Variants in PCCB observed in about 807,000 individuals in gnomAD.
The protein encoded by PCCB is propionyl-CoA carboxylase beta chain, mitochondrial.
A neutral mutation model predicts 60.7 loss-of-function variants in PCCB; 43 were observed. That is an observed-to-expected ratio of 0.71 (90% CI 0.55 to 0.91). PCCB has a LOEUF of 0.91. PCCB is among the 40% of genes least tolerant of loss of function. The probability of loss-of-function intolerance (pLI) is 0.00; values close to 1 mark genes in which losing one functional copy is unlikely to be tolerated. For synonymous variants in PCCB, 276 were observed against 255.9 expected (o/e 1.08, Z -0.75); for missense variants, 766 against 702.8 (o/e 1.09, Z -1.02).
chr3:136,325,178 C>T (rs951367086), intron 10 of PCCB, among the ~76,000 whole-genome samples: 1 of 152,090 alleles, frequency 6.6e-6, no homozygotes, highest in Non-Finnish European at 1.5e-5. Context: ...GTGTGAGCCA[C>T]CACATCTGGC....
chr3:136,266,425 A>G (rs1576411156), intron 5 of PCCB, among the ~76,000 whole-genome samples: 1 of 152,004 alleles, frequency 6.6e-6, no homozygotes, highest in South Asian at 2.1e-4. Context: ...CACCGCACCC[A>G]GCCAGTCTTT....
chr3:136,255,792 G>C, intron 1 of PCCB, 64 bp from the exon 2 acceptor site: 2 of 1,450,324 alleles, frequency 1.4e-6, no homozygotes, highest in Admixed American at 3.3e-5. Context: ...CCCATGAACA[G>C]CCCTTGCTTT....
chr3:136,298,054 G>A lies in PCCB; in HGVS notation c.866G>A (p.Arg289His), dbSNP rs532142254. 2.0e-5 allele frequency: 32 copies of A among 1,614,120 alleles called. No individual in the cohort carries two copies. In the Admixed American group the frequency reaches 2.0e-4, roughly 10 times the overall value. Residue 289 changes from arginine (R) to histidine (H), a missense_variant, in exon 8 of 15, where the codon CGT (arginine) becomes CAT (histidine). Physicochemically the swap from Arg to His is conservative, Grantham distance 29 (BLOSUM62 0). Coordinates refer to ENST00000251654, the MANE Select transcript of PCCB (RefSeq NM_000532.5). ...PLSSQDPAPV[R>H]ECHDPSDRLV... ...AGCAGTCAGGACCCGGCTCCCGTCC[G>A]TGAGTGCCACGATCCCAGGTGGGTT... is the stretch of plus-strand genomic sequence containing the variant.
intron 7 of PCCB, among the ~76,000 whole-genome samples, chr3:136,294,857 A>G (rs182612760): frequency 7.6e-4 from 115 of 152,054 alleles, no homozygotes; most frequent in African/African-American, 2.5e-3. Flanking sequence ...GGCTTGAGCA[A>G]TCCTCCCACT....
rs1334504053 is a variant in PCCB, at chr3:136,262,029, A to C, written c.507A>C (p.Gly169=). The part of the protein sequence containing the change: ...NDSGGARIQE[G]VESLAGYADI... ...CTGGGGGAGCACGGATCCAAGAAGGAGTGGAGTCTTTGGCTGGCTATGCAG... is the reference window on the plus strand; with the variant it reads ...CTGGGGGAGCACGGATCCAAGAAGGCGTGGAGTCTTTGGCTGGCTATGCAG... The change falls in exon 5 of 15, where the codon GGA becomes GGC. Residue 169 remains glycine (G), a synonymous_variant. Coordinates refer to ENST00000251654, the MANE Select transcript of PCCB (RefSeq NM_000532.5). 19 of 1,558,464 alleles carry C rather than the reference A, an allele frequency of 1.2e-5. No homozygotes were observed. The highest frequency in any genetic ancestry group is 1.7e-5 in the Non-Finnish European group (19 of 1,149,968).
At chr3:136,291,659 GT>G (rs1476702794) in intron 6 of PCCB, among the ~76,000 whole-genome samples, 1 of 152,206 alleles carries the variant, frequency 6.6e-6, no homozygotes, top group Non-Finnish European at 1.5e-5. Context: ...GCTGGCTTGA[GT>G]TTGGTATTTT....
At chr3:136,297,290 T>C (rs1933980782) in intron 7 of PCCB, among the ~76,000 whole-genome samples, 1 of 152,146 alleles carries the variant, frequency 6.6e-6, no homozygotes, top group Non-Finnish European at 1.5e-5. Flanking sequence ...GTCTGTCAGC[T>C]TTGTGGACAA....
At chr3:136,259,076 C>T in intron 3 of PCCB, 1 of 1,155,640 alleles carries the variant, frequency 8.7e-7, no homozygotes, top group Non-Finnish European at 1.1e-6. Context: ...GAGGTTATGC[C>T]CACAATAAGC....
At chr3:136,312,379 A>T (rs1165060091) in intron 9 of PCCB, among the ~76,000 whole-genome samples, 1 of 152,338 alleles carries the variant, frequency 6.6e-6, no homozygotes, top group South Asian at 2.1e-4. Context: ...TCTAAACATA[A>T]AAAGGGTACA....
intron 10 of PCCB, chr3:136,326,423 A>C (rs1275554102): frequency 2.8e-6 from 2 of 702,562 alleles, no homozygotes; most frequent in African/African-American, 1.7e-5. Flanking sequence ...GTAATTTCTC[A>C]AGGGCACGTT....
In PCCB at chr3:136,328,739, T is replaced by C. The variant is rs368309360; in HGVS notation, c.1399-19T>C. On this transcript the variant is annotated intron_variant, in intron 13 of 14. Coordinates refer to ENST00000251654, the MANE Select transcript of PCCB (RefSeq NM_000532.5). The stretch of plus-strand genomic sequence containing the variant: ...AGGTTGGGACGACCAAAGATGTTCA[T>C]GAACTCCTCTAATCACAGGGCGCTG... The C allele has an allele frequency of 8.0e-5, 128 of 1,600,894 alleles. No individual in the cohort carries two copies. Among genetic ancestry groups the C allele is most frequent in the Non-Finnish European group, 1.0e-4 (119 of 1,168,132 alleles).
At chr3:136,327,120 C>G (rs757066745) in intron 11 of PCCB, 35 bp from the exon 12 acceptor site, 1 of 1,584,120 alleles carries the variant, frequency 6.3e-7, no homozygotes, top group Non-Finnish European at 8.7e-7. Flanking sequence ...CATGTGAGGA[C>G]TTGTGGGTAT....
chr3:136,299,810 G>GTATGCA (rs1934154740), intron 8 of PCCB, among the ~76,000 whole-genome samples: 1 of 148,360 alleles, frequency 6.7e-6, no homozygotes, highest in South Asian at 2.1e-4. Flanking sequence ...GTATGTATAG[G>GTATGCA]TATGCATGTG....
At chr3:136,328,737 C>T in intron 13 of PCCB, 21 bp from the exon 14 acceptor site, 1 of 1,594,580 alleles carries the variant, frequency 6.3e-7, no homozygotes. Context: ...CAAAGATGTT[C>T]ATGAACTCCT....
intron 14 of PCCB, among the ~76,000 whole-genome samples, chr3:136,329,423 G>A (rs748489160): frequency 1.1e-4 from 16 of 152,278 alleles, no homozygotes; most frequent in Non-Finnish European, 1.3e-4. Context: ...GGGAAACTGA[G>A]GCCTAGATTT....
At chr3:136,268,787 A>G (rs574274654) in intron 5 of PCCB, among the ~76,000 whole-genome samples, 1 of 152,188 alleles carries the variant, frequency 6.6e-6, no homozygotes, top group East Asian at 1.9e-4. Context: ...ACTCTACAAA[A>G]ATGCCTGCTG....
chr3:136,329,768 G>C, intron 14 of PCCB, 137 bp from the exon 15 acceptor site: 1 of 887,866 alleles, frequency 1.1e-6, no homozygotes, highest in Non-Finnish European at 1.8e-6. Context: ...GAATTCACAG[G>C]GCCTACCATC....
intron 8 of PCCB, among the ~76,000 whole-genome samples, chr3:136,298,440 A>G (rs895419705): frequency 2.6e-5 from 4 of 152,048 alleles, no homozygotes; most frequent in African/African-American, 9.7e-5. Context: ...CCCCTCACCC[A>G]CAAAAGGAAG....
intron 10 of PCCB, among the ~76,000 whole-genome samples, chr3:136,319,102 C>T (rs1334204015): frequency 6.6e-6 from 1 of 152,158 alleles, no homozygotes; most frequent in Non-Finnish European, 1.5e-5. Context: ...AAATAGTAAT[C>T]CTAGTGGATG....
Sources: gnomAD v4.1 joint callset for allele counts (sites outside exome capture counted in the v4.1 genomes callset) on GRCh38, gnomAD v4.1.1 for gene constraint, MANE v1.5 for transcripts, NCBI Gene and HGNC (gene_info 2026-07-23, HGNC 2026-07-21) for gene names.